LRRC4C: variants seen among roughly 807,000 people sequenced by gnomAD.
LRRC4C encodes leucine-rich repeat-containing protein 4C.
LRRC4C carries 5 observed loss-of-function variants against 33.6 expected under a neutral mutation model. The ratio of observed to expected loss-of-function variants is 0.15; its 90% CI spans 0.08 to 0.31. The LOEUF is 0.31. Ranked by LOEUF, LRRC4C falls within the 10% of genes least tolerant of loss-of-function variation. The pLI is 1.00. For synonymous variants in LRRC4C, 329 were observed against 302.0 expected (o/e 1.09, Z -0.93); for missense variants, 560 against 796.7 (o/e 0.70, Z 3.58).
chr11:40,376,329 A>G (rs11821806), intron 3 of LRRC4C, among the ~76,000 whole-genome samples: 5,898 of 152,224 alleles, frequency 0.039, 356 homozygotes, highest in African/African-American at 0.13. Context: ...AAGAAGCAGA[A>G]AGCCATGTCT....
chr11:40,232,250 C>T (rs768010144), intron 5 of LRRC4C, among the ~76,000 whole-genome samples: 1 of 152,202 alleles, frequency 6.6e-6, no homozygotes, highest in Non-Finnish European at 1.5e-5. Context: ...AGGTGATCCA[C>T]CCACTTTGGC....
chr11:40,995,092 A>C (rs937388227), intron 1 of LRRC4C, among the ~76,000 whole-genome samples: 2 of 152,162 alleles, frequency 1.3e-5, no homozygotes, highest in African/African-American at 4.8e-5. Flanking sequence ...ACAACAACTT[A>C]ATGTGTGTTT....
chr11:40,397,709 A>C (rs1949597680), intron 3 of LRRC4C, among the ~76,000 whole-genome samples: 1 of 152,082 alleles, frequency 6.6e-6, no homozygotes, highest in Non-Finnish European at 1.5e-5. Flanking sequence ...TGTTCAAATG[A>C]CACCTGCTAG....
At chr11:40,730,468 G>T (rs1248557984) in intron 2 of LRRC4C, among the ~76,000 whole-genome samples, 1 of 152,124 alleles carries the variant, frequency 6.6e-6, no homozygotes, top group Non-Finnish European at 1.5e-5. Context: ...AAAGTTTTGA[G>T]GTAGAAGAGA....
intron 1 of LRRC4C, among the ~76,000 whole-genome samples, chr11:41,331,286 C>T (rs1951285441): frequency 1.3e-5 from 2 of 152,126 alleles, no homozygotes; most frequent in Non-Finnish European, 2.9e-5. Context: ...TCACTTTAAG[C>T]TTGTTCTTCA....
intron 3 of LRRC4C, among the ~76,000 whole-genome samples, chr11:40,578,893 T>G (rs1308897700): frequency 9.9e-5 from 15 of 152,226 alleles, no homozygotes; most frequent in Admixed American, 9.8e-4. Flanking sequence ...GAGCTTCGCC[T>G]GTGGTAGGCA....
At chr11:40,959,817 G>A (rs1335894543) in intron 1 of LRRC4C, among the ~76,000 whole-genome samples, 1 of 151,658 alleles carries the variant, frequency 6.6e-6, no homozygotes, top group East Asian at 1.9e-4. Context: ...TGGCATCGCA[G>A]TCAGTTATGC....
At chr11:41,452,649 G>A (rs182160439) in intron 1 of LRRC4C, among the ~76,000 whole-genome samples, 287 of 151,994 alleles carry the variant, frequency 1.9e-3, no homozygotes, top group Non-Finnish European at 3.3e-3. Context: ...TTCTGAATTC[G>A]TTCTCTTTCT....
intron 1 of LRRC4C, among the ~76,000 whole-genome samples, chr11:41,107,709 A>C (rs1272908036): frequency 6.6e-6 from 1 of 152,144 alleles, no homozygotes; most frequent in Non-Finnish European, 1.5e-5. Flanking sequence ...AGGCCGAAGC[A>C]GGCAGATCAC....
At chr11:40,441,056 T>C (rs1406714946) in intron 3 of LRRC4C, among the ~76,000 whole-genome samples, 1 of 152,168 alleles carries the variant, frequency 6.6e-6, no homozygotes, top group Non-Finnish European at 1.5e-5. Flanking sequence ...TGATAACTTC[T>C]GAAGATTGTT....
intron 2 of LRRC4C, among the ~76,000 whole-genome samples, chr11:40,911,434 G>A (rs562755612): frequency 6.6e-6 from 1 of 152,122 alleles, no homozygotes; most frequent in Non-Finnish European, 1.5e-5. Flanking sequence ...CCAGGCAAAT[G>A]GGGTCTGGAG....
intron 1 of LRRC4C, among the ~76,000 whole-genome samples, chr11:40,967,815 A>G (rs1851464369): frequency 6.6e-6 from 1 of 151,510 alleles, no homozygotes; most frequent in Non-Finnish European, 1.5e-5. Context: ...TATTTTTGAT[A>G]TTAAAATATT....
intron 4 of LRRC4C, among the ~76,000 whole-genome samples, chr11:40,265,861 T>C (rs1364226657): frequency 6.6e-6 from 1 of 152,184 alleles, no homozygotes; most frequent in Non-Finnish European, 1.5e-5. Context: ...AATCTAAACA[T>C]AATTTGTTTG....
At chr11:40,633,385 T>TTCTCTCTCTCTC (rs1205746867) in intron 3 of LRRC4C, among the ~76,000 whole-genome samples, 11 of 96,270 alleles carry the variant, frequency 1.1e-4, no homozygotes, top group South Asian at 3.4e-4. Context: ...CTCTCTTTCT[T>TTCTCTCTCTCTC]TCTTTCTTTC....
At chr11:40,142,488 G>A (rs1307903936) in intron 5 of LRRC4C, among the ~76,000 whole-genome samples, 3 of 152,004 alleles carry the variant, frequency 2.0e-5, no homozygotes, top group African/African-American at 7.2e-5. Context: ...GTGAAAACAT[G>A]TTTATTGCTA....
At chr11:41,190,764 C>T (rs985156135) in intron 1 of LRRC4C, among the ~76,000 whole-genome samples, 3 of 152,200 alleles carry the variant, frequency 2.0e-5, no homozygotes, top group Admixed American at 6.5e-5. Context: ...TATTTTCAAA[C>T]ATGCTGTATC....
intron 4 of LRRC4C, among the ~76,000 whole-genome samples, chr11:40,257,705 T>C (rs1000084245): frequency 6.6e-6 from 1 of 152,162 alleles, no homozygotes; most frequent in African/African-American, 2.4e-5. Flanking sequence ...AAGGAAGAGA[T>C]AAACTCTTTT....
intron 1 of LRRC4C, among the ~76,000 whole-genome samples, chr11:41,261,019 C>T (rs955733115): frequency 6.6e-6 from 1 of 151,922 alleles, no homozygotes; most frequent in Non-Finnish European, 1.5e-5. Context: ...ATTATTTTGC[C>T]AGCATAAATG....
At chr11:41,415,577 A>G (rs140909431) in intron 1 of LRRC4C, among the ~76,000 whole-genome samples, 1 of 152,108 alleles carries the variant, frequency 6.6e-6, no homozygotes, top group Non-Finnish European at 1.5e-5. Flanking sequence ...TTTTCAAAGT[A>G]TGTTCTGAGA....
Sources: allele counts gnomAD v4.1 joint callset (sites outside exome capture counted in the v4.1 genomes callset), GRCh38; gene constraint gnomAD v4.1.1; transcripts MANE v1.5; gene names NCBI Gene and HGNC (gene_info 2026-07-23, HGNC 2026-07-21).